QTGAL: variants seen among roughly 807,000 people sequenced by gnomAD.
QTGAL encodes queuosine-tRNA galactosyltransferase, also known as BGnT-like protein 1.
chr17:83,044,478 A>G, the QTGAL span, among the ~76,000 whole-genome samples: 136 of 152,354 alleles, frequency 8.9e-4, no homozygotes, highest in African/African-American at 3.2e-3. Flanking sequence ...AATTAAAAGG[A>G]AACCTCCTTA....
At chr17:82,977,030 G>C in the QTGAL span, among the ~76,000 whole-genome samples, 1 of 152,264 alleles carries the variant, frequency 6.6e-6, no homozygotes, top group African/African-American at 2.4e-5. Context: ...GCCCCAGGCA[G>C]GGAGGCCGGA....
At chr17:83,032,490 C>A in the QTGAL span, among the ~76,000 whole-genome samples, 1 of 116,340 alleles carries the variant, frequency 8.6e-6, no homozygotes, top group Admixed American at 8.6e-5. Flanking sequence ...CGACGCAGAC[C>A]GAACTCGGGA....
At chr17:83,051,618 G>A in the QTGAL span, 1 of 1,054,948 alleles carries the variant, frequency 9.5e-7, no homozygotes. Context: ...GACCCCGTAG[G>A]TGAGCCCGAG....
chr17:83,033,473 T>C, the QTGAL span, among the ~76,000 whole-genome samples: 3 of 137,634 alleles, frequency 2.2e-5, no homozygotes, highest in Admixed American at 7.4e-5. Flanking sequence ...CTAAGTTATA[T>C]GCTTTTTTTT....
chr17:83,000,277 A>C, the QTGAL span, among the ~76,000 whole-genome samples: 1 of 149,376 alleles, frequency 6.7e-6, no homozygotes, highest in Non-Finnish European at 1.5e-5. Flanking sequence ...TCACTTTTTT[A>C]CTGTGATTTG....
At chr17:83,002,627 T>A in the QTGAL span, among the ~76,000 whole-genome samples, 1 of 152,138 alleles carries the variant, frequency 6.6e-6, no homozygotes, top group Admixed American at 6.5e-5. Context: ...AAGCCACCCA[T>A]GTGGCAACGG....
the QTGAL span, chr17:82,961,011 G>A: frequency 2.8e-5 from 44 of 1,582,164 alleles, no homozygotes; most frequent in Non-Finnish European, 3.8e-5. Context: ...CGCCTCCCGT[G>A]TTCCTGGCCT....
the QTGAL span, among the ~76,000 whole-genome samples, chr17:83,002,284 C>A: frequency 6.6e-6 from 1 of 152,202 alleles, no homozygotes; most frequent in Admixed American, 6.5e-5. Flanking sequence ...TCGGTGACAG[C>A]GCTCTGACCG....
At chr17:82,999,973 G>GT in the QTGAL span, among the ~76,000 whole-genome samples, 1 of 151,924 alleles carries the variant, frequency 6.6e-6, no homozygotes, top group African/African-American at 2.4e-5. Flanking sequence ...GTTTTGTTTT[G>GT]TTTTTTTGAG....
At chr17:82,986,688 C>T in the QTGAL span, among the ~76,000 whole-genome samples, 4 of 152,194 alleles carry the variant, frequency 2.6e-5, no homozygotes, top group Non-Finnish European at 5.9e-5. Context: ...ATAGTTGATG[C>T]CGTCATCATA....
At chr17:82,976,690 A>C in the QTGAL span, among the ~76,000 whole-genome samples, 1 of 196 alleles carries the variant, frequency 5.1e-3, no homozygotes, top group Admixed American at 0.024. Context: ...AGAGGCCACT[A>C]TGGAGAGTCA....
chr17:82,967,350 A>C, the QTGAL span, among the ~76,000 whole-genome samples: 1 of 152,156 alleles, frequency 6.6e-6, no homozygotes, highest in Admixed American at 6.5e-5. Context: ...GCAGAGACAC[A>C]ATGGCTGAGA....
the QTGAL span, among the ~76,000 whole-genome samples, chr17:82,976,923 T>C: frequency 3.1e-3 from 30 of 9,600 alleles, 4 homozygotes; most frequent in Middle Eastern, 0.042. Context: ...TCCCAGGGGC[T>C]GGAGGCCACT....
the QTGAL span, among the ~76,000 whole-genome samples, chr17:83,014,909 A>G: frequency 6.6e-6 from 1 of 152,404 alleles, no homozygotes; most frequent in Non-Finnish European, 1.5e-5. Context: ...GGAAAAATAA[A>G]AAATGCTGAC....
chr17:82,954,939 CAG>C, the QTGAL span, among the ~76,000 whole-genome samples: 1 of 152,196 alleles, frequency 6.6e-6, no homozygotes, highest in South Asian at 2.1e-4. Flanking sequence ...ATGCAGAAAA[CAG>C]AAACTAGACC....
At chr17:83,019,383 A>G in the QTGAL span, among the ~76,000 whole-genome samples, 1 of 152,246 alleles carries the variant, frequency 6.6e-6, no homozygotes, top group African/African-American at 2.4e-5. Context: ...CACGCACAAA[A>G]TATTTTTAAA....
the QTGAL span, among the ~76,000 whole-genome samples, chr17:82,962,764 T>G: frequency 1.3e-5 from 2 of 152,208 alleles, no homozygotes; most frequent in African/African-American, 4.8e-5. Context: ...AGAAAAAAGG[T>G]TTCTCTCTTC....
the QTGAL span, among the ~76,000 whole-genome samples, chr17:82,958,839 G>GTGTA: frequency 7.3e-6 from 1 of 136,406 alleles, no homozygotes; most frequent in South Asian, 2.3e-4. Context: ...TGGTGTGTGT[G>GTGTA]TGTGTACACT....
the QTGAL span, among the ~76,000 whole-genome samples, chr17:82,953,117 C>T: frequency 9.2e-5 from 14 of 152,130 alleles, no homozygotes; most frequent in Non-Finnish European, 1.5e-4. Context: ...GACACCCTGA[C>T]ATCACAATTA....
Sources: allele counts gnomAD v4.1 joint callset (sites outside exome capture counted in the v4.1 genomes callset), GRCh38; gene constraint gnomAD v4.1.1; transcripts MANE v1.5; gene names NCBI Gene and HGNC (gene_info 2026-07-23, HGNC 2026-07-21).